Variants in PLXNC1 observed in about 807,000 individuals in gnomAD.
PLXNC1 encodes plexin C1, also known as plexin-C1.
PLXNC1 carries 75 observed loss-of-function variants against 178.2 expected under a neutral mutation model. The ratio of observed to expected loss-of-function variants is 0.42; its 90% CI spans 0.35 to 0.51. The LOEUF (loss-of-function observed/expected upper bound fraction) is 0.51. Among genes scored for constraint, PLXNC1 ranks in the 20% least tolerant of loss-of-function variants. PLXNC1 has a pLI of 0.02. For synonymous variants in PLXNC1, 790 were observed against 779.9 expected (o/e 1.01, Z -0.22); for missense variants, 1,503 against 1,984.4 (o/e 0.76, Z 4.61).
intron 6 of PLXNC1, 75 bp downstream of exon 6, chr12:94,220,238 A>G: frequency 7.0e-7 from 1 of 1,426,838 alleles, no homozygotes; most frequent in Non-Finnish European, 9.8e-7. Flanking sequence ...TAGTTTGCCC[A>G]AGGAATATGA....
In PLXNC1 at chr12:94,305,374, G is replaced by C. The variant is rs191489124; in HGVS notation, c.*89G>C. On this transcript the variant is annotated 3_prime_UTR_variant, in exon 31 of 31. Coordinates refer to ENST00000258526, the MANE Select transcript of PLXNC1 (RefSeq NM_005761.3). The stretch of plus-strand genomic sequence containing the variant: ...TTGAGCTACTCTGTGTCGTTAATTT[G>C]TTGTTTGCACATAGGTTCCACTTTG... The C allele has an allele frequency of 1.1e-3, 789 of 740,440 alleles. 13 individuals are homozygous for C. In the East Asian group the frequency reaches 0.02, roughly 19 times the overall value. The allele number at this position is 740,440 out of a possible 1,614,324, so 45.9% of individuals were successfully genotyped here. A position where few individuals can be genotyped will look rare whatever the true frequency, so the allele number is the denominator to read the frequency against.
chr12:94,247,037 ATATATT>A lies in PLXNC1; in HGVS notation c.2389-862_2389-857del, dbSNP rs200658942. On this transcript the variant is annotated intron_variant, in intron 12 of 30. Coordinates refer to ENST00000258526, the MANE Select transcript of PLXNC1 (RefSeq NM_005761.3). ...TCCTTCTGTACACCTAAACAGGACA[ATATATT>A]TATGTTATGTATTTACTAACTTTTT... Among the ~76,000 whole-genome samples, 1,023 of 152,230 alleles carry A rather than the reference ATATATT, an allele frequency of 6.7e-3. 29 individuals are homozygous for A. The East Asian group carries it at 0.068, about 10-fold the overall frequency.
chr12:94,169,041 C>A, intron 1 of PLXNC1, 112 bp from the exon 2 acceptor site: 1 of 952,218 alleles, frequency 1.1e-6, no homozygotes, highest in East Asian at 2.7e-5. Flanking sequence ...TATGTGGGGC[C>A]CAGAAGTGAG....
chr12:94,176,803 A>G (rs1962065245), intron 2 of PLXNC1, among the ~76,000 whole-genome samples: 1 of 152,064 alleles, frequency 6.6e-6, no homozygotes, highest in Non-Finnish European at 1.5e-5. Flanking sequence ...AAAACACAGT[A>G]AACATATATG....
rs1271486710 is a variant in PLXNC1 at position 94,237,751 on chromosome 12, G to A, written c.2068G>A (p.Ala690Thr). Residue 690 changes from alanine to threonine, a missense_variant, in exon 10 of 31, where the codon GCA becomes ACA. Coordinates refer to ENST00000258526, the MANE Select transcript of PLXNC1 (RefSeq NM_005761.3). ...AGTAACGGGAGCAAACTTTACCCGGGCATCGAACATCACAATGATCCTGAA... is the reference window on the plus strand; with the variant it reads ...AGTAACGGGAGCAAACTTTACCCGGACATCGAACATCACAATGATCCTGAA... ...VIVTGANFTR[A>T]SNITMILKGT... 3.7e-6 allele frequency: 6 copies of A among 1,613,970 alleles called. No homozygotes were observed. The highest frequency in any genetic ancestry group is 1.6e-4 in the Middle Eastern group (1 of 6,062).
intron 4 of PLXNC1, among the ~76,000 whole-genome samples, chr12:94,191,105 C>T (rs895016768): frequency 1.3e-5 from 2 of 152,250 alleles, no homozygotes; most frequent in African/African-American, 4.8e-5. Context: ...TTGGTCGACT[C>T]TGCCAATAGC....
At chr12:94,277,404 C>T (rs1966049601) in intron 21 of PLXNC1, among the ~76,000 whole-genome samples, 2 of 152,198 alleles carry the variant, frequency 1.3e-5, no homozygotes, top group South Asian at 4.1e-4. Flanking sequence ...AGAAACACCC[C>T]TGAGAACCTC....
At chr12:94,175,935 C>T (rs996893428) in intron 2 of PLXNC1, among the ~76,000 whole-genome samples, 2 of 152,060 alleles carry the variant, frequency 1.3e-5, no homozygotes, top group African/African-American at 2.4e-5. Context: ...AGGTGTTCAG[C>T]GGAGAAGTGA....
chr12:94,178,717 A>G (rs1365180644), intron 2 of PLXNC1, among the ~76,000 whole-genome samples: 3 of 152,218 alleles, frequency 2.0e-5, no homozygotes, highest in African/African-American at 4.8e-5. Context: ...CACCTTAGGT[A>G]GCTAGTGAAC....
rs147797160 is a variant in PLXNC1 at position 94,282,971 on chromosome 12, C to T, written c.3879+570C>T. ...GATCTGAGTGCCAGAGAAACCTGCACATAACAAGACAGAGGAGGCAGTGAA... is the reference window on the plus strand; with the variant it reads ...GATCTGAGTGCCAGAGAAACCTGCATATAACAAGACAGAGGAGGCAGTGAA... On this transcript the variant is annotated intron_variant, in intron 23 of 30. Transcript: ENST00000258526. 2.3e-3 allele frequency: 352 copies of T among 153,182 alleles called. 1 individual carries two copies. Among genetic ancestry groups the T allele is most frequent in the Non-Finnish European group, 3.3e-3 (226 of 68,672 alleles). 9.5% of individuals were successfully genotyped at this position (153,182 alleles called of 1,614,324 possible).
At chr12:94,219,803 TTTTATTTATTTATTTATTTA>T (rs61371301) in intron 5 of PLXNC1, among the ~76,000 whole-genome samples, 193 bp from the exon 6 acceptor site, 1,186 of 116,482 alleles carry the variant, frequency 0.01, 11 homozygotes, top group Non-Finnish European at 0.013. Context: ...TCTTTTATAT[TTTTATTTATTTATTTATTTA>T]TTTATTTATT....
At chr12:94,177,867 C>T (rs1288971576) in intron 2 of PLXNC1, among the ~76,000 whole-genome samples, 1 of 152,144 alleles carries the variant, frequency 6.6e-6, no homozygotes. Flanking sequence ...TTAAAGCAAA[C>T]CCCACAGACA....
At chr12:94,280,650 T>G (rs886101432) in intron 22 of PLXNC1, among the ~76,000 whole-genome samples, 1 of 152,166 alleles carries the variant, frequency 6.6e-6, no homozygotes, top group African/African-American at 2.4e-5. Context: ...TTTGGTTAGA[T>G]ACAGGATCAA....
At chr12:94,163,629 G>A (rs1321999273) in intron 1 of PLXNC1, among the ~76,000 whole-genome samples, 3 of 152,064 alleles carry the variant, frequency 2.0e-5, no homozygotes. Context: ...GAGGGTAGAA[G>A]GAGGTGAAAT....
At chr12:94,151,370 G>T (rs1960955899) in intron 1 of PLXNC1, among the ~76,000 whole-genome samples, 2 of 152,114 alleles carry the variant, frequency 1.3e-5, no homozygotes, top group South Asian at 4.1e-4. Flanking sequence ...ACGGTCACTT[G>T]CTGCTGCTTC....
chr12:94,266,657 T>G (rs1346580930), intron 21 of PLXNC1, among the ~76,000 whole-genome samples: 3 of 152,232 alleles, frequency 2.0e-5, no homozygotes, highest in African/African-American at 4.8e-5. Flanking sequence ...TGCCACTGGT[T>G]AGCTGTGTAA....
chr12:94,161,359 A>G (rs1243383720), intron 1 of PLXNC1, among the ~76,000 whole-genome samples: 1 of 152,134 alleles, frequency 6.6e-6, no homozygotes, highest in Non-Finnish European at 1.5e-5. Context: ...GGGTGGGTGG[A>G]TGAGTGGATG....
chr12:94,246,224 A>G (rs1166915895), intron 12 of PLXNC1, among the ~76,000 whole-genome samples: 1 of 152,158 alleles, frequency 6.6e-6, no homozygotes, highest in Non-Finnish European at 1.5e-5. Flanking sequence ...CTGAGTTTGG[A>G]GAGGCAGGAA....
At chr12:94,187,194 A>AGAGAGAGAGAG (rs1301534152) in intron 4 of PLXNC1, among the ~76,000 whole-genome samples, 3 of 147,170 alleles carry the variant, frequency 2.0e-5, no homozygotes, top group African/African-American at 7.5e-5. Flanking sequence ...GAGAGAGAGA[A>AGAGAGAGAGAG]AAAAAAACCC....
Sources: allele counts gnomAD v4.1 joint callset (sites outside exome capture counted in the v4.1 genomes callset), GRCh38; gene constraint gnomAD v4.1.1; transcripts MANE v1.5; gene names NCBI Gene and HGNC (gene_info 2026-07-23, HGNC 2026-07-21).